The following XRRA1 variants were observed in gnomAD, a reference collection of about 807,000 sequenced individuals.
XRRA1 encodes the protein X-ray radiation resistance associated 1.
XRRA1 carries 69 observed loss-of-function variants against 80.2 expected under a neutral mutation model. The ratio of observed to expected loss-of-function variants is 0.86; its 90% confidence interval spans 0.71 to 1.05. The LOEUF (loss-of-function observed/expected upper bound fraction) is 1.05. Among genes scored for constraint, XRRA1 ranks in the 50% least tolerant of loss-of-function variants. The pLI, the probability that XRRA1 is intolerant of heterozygous loss-of-function variation, is 0.00. For missense variants in XRRA1, 967 were observed against 976.4 expected (o/e 0.99, Z 0.13); for synonymous variants, 348 against 389.9 (o/e 0.89, Z 1.27).
chr11:74,867,373 A>G (rs2043679990), intron 10 of XRRA1, among the ~76,000 whole-genome samples: 1 of 152,200 alleles, frequency 6.6e-6, no homozygotes, highest in South Asian at 2.1e-4. Flanking sequence ...TGGCCATGTT[A>G]AGAAAGAAGC....
chr11:74,882,148 A>G (rs1452659955), intron 10 of XRRA1, among the ~76,000 whole-genome samples: 2 of 152,274 alleles, frequency 1.3e-5, no homozygotes, highest in Admixed American at 1.3e-4. Flanking sequence ...GGTACACCAA[A>G]TCAGACGTAG....
At chr11:74,923,967 C>T (rs1194045375) in intron 7 of XRRA1, among the ~76,000 whole-genome samples, 2 of 152,126 alleles carry the variant, frequency 1.3e-5, no homozygotes, top group African/African-American at 4.8e-5. Flanking sequence ...GATCCTCCTG[C>T]CTCAGCCTCC....
At chr11:74,908,528 A>AGGTATTTAGAGAG (rs1483587355) in intron 8 of XRRA1, among the ~76,000 whole-genome samples, 3 of 152,252 alleles carry the variant, frequency 2.0e-5, no homozygotes, top group Non-Finnish European at 4.4e-5. Flanking sequence ...GATATTTCAC[A>AGGTATTTAGAGAG]GGTGCATTTA....
chr11:74,937,135 T>C (rs1945192439), intron 3 of XRRA1, 67 bp from the exon 4 acceptor site: 1 of 1,498,128 alleles, frequency 6.7e-7, no homozygotes, highest in Non-Finnish European at 9.0e-7. Context: ...AGTTATAGAC[T>C]TTGTTTATAA....
rs758266817 is a variant in XRRA1 at position 74,843,945 on chromosome 11, C to T, written c.2058G>A (p.Pro686=). The T allele has an allele frequency of 1.2e-5, 19 of 1,613,340 alleles. No homozygotes were observed. Among genetic ancestry groups the T allele is most frequent in the South Asian group, 7.7e-5 (7 of 90,946 alleles). ...VHKEKRAQRI[P]IPPPKKTRAQ... is the part of the protein sequence containing the mutation. ...CTCTAGTCTTCTTTGGGGGTGGAAT[C>T]GGGATTCTCTGGGCCTGGCAGAAGG... The change falls in exon 18 of 19, where the codon CCG becomes CCA. Residue 686 remains proline, a synonymous_variant. Transcript: ENST00000684022.
intron 10 of XRRA1, among the ~76,000 whole-genome samples, chr11:74,866,551 C>A (rs1686250545): frequency 6.6e-6 from 1 of 151,640 alleles, no homozygotes; most frequent in Admixed American, 6.6e-5. Context: ...TCACTATGCC[C>A]AGCCAAAACA....
chr11:74,914,957 A>G (rs749485696), intron 8 of XRRA1, among the ~76,000 whole-genome samples: 1 of 152,202 alleles, frequency 6.6e-6, no homozygotes, highest in Non-Finnish European at 1.5e-5. Flanking sequence ...CTACCTCTTC[A>G]TCAACCCTTA....
At chr11:74,903,357 A>C (rs1344254278) in intron 10 of XRRA1, among the ~76,000 whole-genome samples, 1 of 152,172 alleles carries the variant, frequency 6.6e-6, no homozygotes, top group Non-Finnish European at 1.5e-5. Flanking sequence ...AAGGGAAGAG[A>C]TGTGTGAAAT....
intron 8 of XRRA1, among the ~76,000 whole-genome samples, chr11:74,912,066 T>C (rs1473560932): frequency 6.6e-6 from 1 of 152,226 alleles, no homozygotes; most frequent in Non-Finnish European, 1.5e-5. Context: ...AAGGGCAGAC[T>C]GGTCCTCTTG....
chr11:74,944,607 C>G (rs1271443432), intron 2 of XRRA1, among the ~76,000 whole-genome samples: 7 of 152,194 alleles, frequency 4.6e-5, no homozygotes, highest in African/African-American at 1.7e-4. Context: ...TCCTACAACA[C>G]TCCATACTTC....
chr11:74,928,949 C>T (rs1942891013), intron 6 of XRRA1, among the ~76,000 whole-genome samples: 1 of 152,144 alleles, frequency 6.6e-6, no homozygotes, highest in Non-Finnish European at 1.5e-5. Flanking sequence ...CCTTTTCACT[C>T]CTGCCAATAT....
rs1018211510 is a variant in XRRA1, at chr11:74,891,690, G to A, written c.1003+14549C>T. Among the ~76,000 whole-genome samples the A allele has an allele frequency of 5.9e-5, 9 of 152,186 alleles. No individual in the cohort carries two copies. In the South Asian group the frequency reaches 8.3e-4, roughly 14 times the overall value. Reference sequence around the variant, plus strand: ...AGCCCAAAATCTCCTTAAGCTGATAGGCAACTTCAGCAAAGTCTCAGGATA... The same window carrying A: ...AGCCCAAAATCTCCTTAAGCTGATAAGCAACTTCAGCAAAGTCTCAGGATA... On this transcript the variant is annotated intron_variant, in intron 10 of 18. Coordinates refer to ENST00000684022, the MANE Select transcript of XRRA1 (RefSeq NM_001378157.1).
At chr11:74,942,954 G>A (rs192113767) in intron 2 of XRRA1, among the ~76,000 whole-genome samples, 49 of 152,358 alleles carry the variant, frequency 3.2e-4, no homozygotes, top group Admixed American at 2.4e-3. Context: ...CCCTGAGAAA[G>A]CAGGAAGAAG....
At chr11:74,848,523 C>T in intron 14 of XRRA1, 61 bp from the exon 15 acceptor site, 3 of 1,465,456 alleles carry the variant, frequency 2.0e-6, no homozygotes, top group East Asian at 4.9e-5. Flanking sequence ...CCTCCTGGGC[C>T]TCACTAGCCT....
rs1343265217 is a variant in XRRA1, at chr11:74,845,217, TCTCCTTTAA to T, written c.1774_1782del (p.Leu592_Glu594del). The stretch of plus-strand genomic sequence containing the variant: ...GCCGTTGGTGGTTTCTTTTGGTCTT[TCTCCTTTAA>T]CTCTAAATCATCCTTATGGATGACG... On this transcript the variant is annotated inframe_deletion, in exon 16 of 19. Coordinates refer to ENST00000684022, the MANE Select transcript of XRRA1 (RefSeq NM_001378157.1). 24 of 1,614,014 alleles carry T rather than the reference TCTCCTTTAA, an allele frequency of 1.5e-5. No homozygotes were observed. The African/African-American group carries it at 1.6e-4, about 11-fold the overall frequency.
chr11:74,851,870 C>A lies in XRRA1; in HGVS notation c.1264+119G>T, dbSNP rs537168193. 114 of 836,146 alleles carry A rather than the reference C, an allele frequency of 1.4e-4. No homozygotes were observed. In the African/African-American group the frequency reaches 1.8e-3, roughly 13 times the overall value. 51.8% of individuals were successfully genotyped at this position (836,146 alleles called of 1,614,324 possible). A position where few individuals can be genotyped will look rare whatever the true frequency, so the allele number is the denominator to read the frequency against. On this transcript the variant is annotated intron_variant, in intron 13 of 18. Transcript: ENST00000684022. ...CCTCCATTCCTCAATGTACCATGAA[C>A]CTTGTCCACCCCGACACAGAGTAGA...
At chr11:74,849,768 T>G (rs2039306907) in intron 14 of XRRA1, among the ~76,000 whole-genome samples, 2 of 152,212 alleles carry the variant, frequency 1.3e-5, no homozygotes, top group Non-Finnish European at 2.9e-5. Flanking sequence ...GACCAGGCTA[T>G]TTTATCTTCC....
At position 74,940,873 on chromosome 11, in the gene XRRA1, G is replaced by A. The variant is rs766782576; in HGVS notation, c.6C>T (p.Ala2=). The change falls in exon 3 of 19, where the codon GCC becomes GCT. Residue 2 remains alanine (A), a synonymous_variant. Coordinates refer to ENST00000684022, the MANE Select transcript of XRRA1 (RefSeq NM_001378157.1). ...CATCCAGCTTGTAGATTCCTGAGAA[G>A]GCCATCTCCCTGAGAGCCAGGCAAG... M[A]FSGIYKLDDG... The A allele has an allele frequency of 1.1e-5, 18 of 1,606,718 alleles. No homozygotes were observed. In the Admixed American group the frequency reaches 1.7e-4, roughly 15 times the overall value.
At chr11:74,859,609 A>G (rs897124233) in intron 11 of XRRA1, among the ~76,000 whole-genome samples, 3 of 152,062 alleles carry the variant, frequency 2.0e-5, no homozygotes, top group African/African-American at 7.2e-5. Context: ...TCTACCCTAC[A>G]GCAGCTTACC....
Sources: allele counts gnomAD v4.1 joint callset (sites outside exome capture counted in the v4.1 genomes callset), GRCh38; gene constraint gnomAD v4.1.1; transcripts MANE v1.5; gene names NCBI Gene and HGNC (gene_info 2026-07-23, HGNC 2026-07-21).